The following KCNN2 variants were observed in gnomAD, a reference collection of about 807,000 sequenced individuals.
KCNN2 encodes the protein potassium calcium-activated channel subfamily N member 2, also known as small conductance calcium-activated potassium channel protein 2.
A neutral mutation model predicts 55.5 loss-of-function variants in KCNN2; 24 were observed. The observed-to-expected ratio is 0.43, with a 90% CI of 0.31 to 0.61. The LOEUF is 0.61. Ranked by LOEUF, KCNN2 falls within the 20% of genes least tolerant of loss-of-function variation. The pLI, the probability that KCNN2 is intolerant of heterozygous loss-of-function variation, is 0.08. For missense variants in KCNN2, 754 were observed against 853.6 expected (o/e 0.88, Z 1.45); for synonymous variants, 431 against 336.1 (o/e 1.28, Z -3.09).
rs188637627 is a variant in KCNN2 at position 114,116,738 on chromosome 5, A to G, written c.-271+60238A>G. On this transcript the variant is annotated intron_variant, in intron 1 of 10. Transcript: ENST00000512097. ...AGTTATTTTGATTTGGTAAATTTCT[A>G]CTTGGCCATCATCCATTTTTGATTC... 2.0e-5 allele frequency among the ~76,000 whole-genome samples: 3 copies of G among 152,254 alleles called. No homozygotes were observed. The East Asian group carries it at 5.8e-4, about 29-fold the overall frequency.
chr5:114,356,798 G>C (rs1292531431), intron 2 of KCNN2, among the ~76,000 whole-genome samples: 1 of 152,080 alleles, frequency 6.6e-6, no homozygotes, highest in Non-Finnish European at 1.5e-5. Context: ...CAAATTAGTA[G>C]ATTTCTTATA....
At chr5:114,066,859 G>A (rs1047365547) in intron 1 of KCNN2, among the ~76,000 whole-genome samples, 3 of 152,202 alleles carry the variant, frequency 2.0e-5, no homozygotes, top group East Asian at 1.9e-4. Context: ...GATTACAGGC[G>A]TGAGCCACCG....
At chr5:114,432,765 G>A (rs533901299) in intron 3 of KCNN2, among the ~76,000 whole-genome samples, 98 of 152,312 alleles carry the variant, frequency 6.4e-4, no homozygotes, top group African/African-American at 2.2e-3. Context: ...TTGGCAGGCC[G>A]CGCACGCCGA....
At chr5:114,235,172 A>G (rs753145812) in intron 2 of KCNN2, among the ~76,000 whole-genome samples, 7 of 152,240 alleles carry the variant, frequency 4.6e-5, no homozygotes, top group Non-Finnish European at 1.0e-4. Context: ...TCATAAACAC[A>G]TGATTAACCT....
chr5:114,291,573 C>T (rs1020978992), intron 2 of KCNN2, among the ~76,000 whole-genome samples: 6 of 152,068 alleles, frequency 3.9e-5, no homozygotes, highest in South Asian at 2.1e-4. Context: ...CCACATTTTC[C>T]TAATCCAGTC....
chr5:114,394,916 G>C (rs549526715), intron 2 of KCNN2, among the ~76,000 whole-genome samples: 1 of 152,176 alleles, frequency 6.6e-6, no homozygotes, highest in South Asian at 2.1e-4. Flanking sequence ...CTTCTCCCTT[G>C]TTACTCTTCC....
chr5:114,090,809 T>TA (rs1751127269), intron 1 of KCNN2, among the ~76,000 whole-genome samples: 1 of 152,094 alleles, frequency 6.6e-6, no homozygotes. Flanking sequence ...CCAATACCAG[T>TA]AGCCACCTTA....
intron 1 of KCNN2, among the ~76,000 whole-genome samples, chr5:114,188,261 C>A (rs76077488): frequency 0.018 from 2,689 of 152,254 alleles, 73 homozygotes; most frequent in African/African-American, 0.061. Flanking sequence ...CTATTTGGGC[C>A]TCTTGAGGAG....
At chr5:114,235,030 A>C (rs1188076157) in intron 2 of KCNN2, among the ~76,000 whole-genome samples, 1 of 152,208 alleles carries the variant, frequency 6.6e-6, no homozygotes, top group Non-Finnish European at 1.5e-5. Flanking sequence ...CTTTCTGTGA[A>C]CATGAATATT....
intron 2 of KCNN2, among the ~76,000 whole-genome samples, chr5:114,301,247 C>A (rs1398495483): frequency 6.6e-6 from 1 of 151,938 alleles, no homozygotes; most frequent in African/African-American, 2.4e-5. Flanking sequence ...TAATCTTTGT[C>A]TTTGTATCCT....
chr5:114,193,289 C>A (rs756299526), intron 1 of KCNN2, among the ~76,000 whole-genome samples: 1 of 152,174 alleles, frequency 6.6e-6, no homozygotes, highest in Non-Finnish European at 1.5e-5. Flanking sequence ...TTACTCCAGT[C>A]ATGCTTTATG....
At chr5:114,308,127 G>T (rs1194800782) in intron 2 of KCNN2, among the ~76,000 whole-genome samples, 1 of 152,084 alleles carries the variant, frequency 6.6e-6, no homozygotes, top group South Asian at 2.1e-4. Context: ...TCTAGCTCAT[G>T]TCAATTTATC....
intron 5 of KCNN2, among the ~76,000 whole-genome samples, chr5:114,474,244 A>G (rs964335979): frequency 2.0e-5 from 3 of 152,186 alleles, no homozygotes; most frequent in African/African-American, 7.2e-5. Flanking sequence ...GCAAATATAT[A>G]TTTATATAGA....
intron 1 of KCNN2, among the ~76,000 whole-genome samples, chr5:114,138,358 G>C (rs1470015045): frequency 1.3e-5 from 2 of 152,074 alleles, no homozygotes; most frequent in Admixed American, 1.3e-4. Context: ...CGTATCTCCA[G>C]CATTTAGCCC....
At chr5:114,087,980 AT>A (rs539330855) in intron 1 of KCNN2, among the ~76,000 whole-genome samples, 2 of 151,884 alleles carry the variant, frequency 1.3e-5, no homozygotes, top group Non-Finnish European at 2.9e-5. Context: ...CATTGTTATT[AT>A]TTTTTATAGT....
chr5:114,229,719 A>T (rs1380620958), intron 2 of KCNN2, among the ~76,000 whole-genome samples: 1 of 148,282 alleles, frequency 6.7e-6, no homozygotes, highest in East Asian at 2.0e-4. Flanking sequence ...TATTTTGTTC[A>T]GGTTTAATTA....
At chr5:114,337,031 A>T (rs1230374274) in intron 2 of KCNN2, among the ~76,000 whole-genome samples, 2 of 152,168 alleles carry the variant, frequency 1.3e-5, no homozygotes, top group Non-Finnish European at 1.5e-5. Context: ...ATATTTTTTT[A>T]AAAACACCTC....
intron 2 of KCNN2, among the ~76,000 whole-genome samples, chr5:114,240,499 C>T (rs186658924): frequency 2.5e-4 from 38 of 149,890 alleles, no homozygotes; most frequent in Admixed American, 1.2e-3. Flanking sequence ...GGCATGATCT[C>T]GACTCACTTC....
chr5:114,374,731 T>C (rs1296001825), intron 2 of KCNN2, among the ~76,000 whole-genome samples: 5 of 152,216 alleles, frequency 3.3e-5, no homozygotes, highest in African/African-American at 1.2e-4. Context: ...TTTTCGAATT[T>C]ATAGGACACA....
Sources: allele counts gnomAD v4.1 joint callset (sites outside exome capture counted in the v4.1 genomes callset), GRCh38; gene constraint gnomAD v4.1.1; transcripts MANE v1.5; gene names NCBI Gene and HGNC (gene_info 2026-07-23, HGNC 2026-07-21).